TGFBR3: variants seen among roughly 807,000 people sequenced by gnomAD.
TGFBR3 encodes the protein transforming growth factor beta receptor 3, also known as transforming growth factor beta receptor type 3.
A neutral mutation model predicts 87.9 loss-of-function variants in TGFBR3; 46 were observed. That is an observed-to-expected ratio of 0.52 (90% confidence interval 0.41 to 0.67). The LOEUF (loss-of-function observed/expected upper bound fraction) is 0.67. TGFBR3 is among the 30% of genes least tolerant of loss of function. The pLI is 0.00. For missense variants in TGFBR3, 866 were observed against 1,041.9 expected, an observed-to-expected ratio of 0.83 and a Z score of 2.32; for synonymous variants, 381 against 391.6, an observed-to-expected ratio of 0.97 and a Z score of 0.32.
At chr1:91,744,097 T>G (rs1004760456) in intron 4 of TGFBR3, among the ~76,000 whole-genome samples, 4 of 151,372 alleles carry the variant, frequency 2.6e-5, no homozygotes, top group Non-Finnish European at 5.9e-5. Flanking sequence ...TTTTTTTTTT[T>G]TTTTTTGAGA....
At chr1:91,757,737 ACT>A (rs1309058755) in intron 4 of TGFBR3, among the ~76,000 whole-genome samples, 1 of 152,190 alleles carries the variant, frequency 6.6e-6, no homozygotes, top group African/African-American at 2.4e-5. Flanking sequence ...TTTTAGAAGT[ACT>A]CTTCAAACAC....
intron 4 of TGFBR3, among the ~76,000 whole-genome samples, chr1:91,749,004 TCACATTGGGC>T (rs1673441983): frequency 6.6e-6 from 1 of 152,114 alleles, no homozygotes; most frequent in Non-Finnish European, 1.5e-5. Context: ...GTATGTATCC[TCACATTGGGC>T]CATGAGATTT....
rs56335404 is a variant in TGFBR3 at position 91,767,887 on chromosome 1, G to GA, written c.247-9138dup. ...TTTTGTATTTTCACATTGGATCACA[G>GA]AAAAAAAAAAAAAAAGCCATGCTCT... is the stretch of plus-strand genomic sequence containing the variant. On this transcript the variant is annotated intron_variant, in intron 3 of 16. Transcript: ENST00000212355. Among the ~76,000 whole-genome samples, 1,169 of 140,578 alleles carry GA rather than the reference G, an allele frequency of 8.3e-3. 10 individuals carry two copies. Among genetic ancestry groups the GA allele is most frequent in the African/African-American group, 0.016 (592 of 38,128 alleles). The allele number at this position is 140,578 out of a possible 152,430, so 92.2% of individuals were successfully genotyped here. A position where few individuals can be genotyped will look rare whatever the true frequency, so the allele number is the denominator to read the frequency against.
rs1478847248 is a variant in TGFBR3 at position 91,720,243 on chromosome 1, G to A, written c.1076-13C>T. 1.3e-6 allele frequency: 2 copies of A among 1,569,448 alleles called. No individual in the cohort carries two copies. The highest frequency in any genetic ancestry group is 1.7e-6 in the Non-Finnish European group (2 of 1,156,846). On this transcript the variant is annotated splice_polypyrimidine_tract_variant and intron_variant, in intron 8 of 16. Transcript: ENST00000212355. ...CCCATCTCCTCTGCTGGTGAAAGAA[G>A]AAGGCAAAACATCAGCAGTGTTTGA...
At chr1:91,898,557 C>T (rs963254542) in intron 2 of TGFBR3, among the ~76,000 whole-genome samples, 1 of 152,136 alleles carries the variant, frequency 6.6e-6, no homozygotes, top group African/African-American at 2.4e-5. Context: ...CTGCCTCAGC[C>T]TCCTGAGTAG....
At chr1:91,708,917 G>A in intron 13 of TGFBR3, 134 bp from the exon 14 acceptor site, 1 of 1,312,388 alleles carries the variant, frequency 7.6e-7, no homozygotes, top group Non-Finnish European at 1.1e-6. Flanking sequence ...CAAGAAGGTG[G>A]GTGTTTTTCA....
chr1:91,871,520 T>C (rs1174554881), intron 1 of TGFBR3, among the ~76,000 whole-genome samples: 4 of 152,010 alleles, frequency 2.6e-5, no homozygotes, highest in African/African-American at 4.8e-5. Context: ...TGTCAAGGCA[T>C]GAGAAGACCT....
Position 91,851,713 on chromosome 1 carries a change from T to C in TGFBR3, c.61+9758A>G, listed in dbSNP as rs146856064. Among the ~76,000 whole-genome samples, 3 of 152,326 alleles carry C rather than the reference T, an allele frequency of 2.0e-5. No homozygotes were observed. The South Asian group carries it at 6.2e-4, about 32-fold the overall frequency. Reference sequence around the variant, plus strand: ...ATAAAGCTGTGTCTTGATGGAAGTGTTGATCACTGTAAAACACACCATCAC... The same window carrying C: ...ATAAAGCTGTGTCTTGATGGAAGTGCTGATCACTGTAAAACACACCATCAC... On this transcript the variant is annotated intron_variant, in intron 2 of 16. Transcript: ENST00000212355.
At chr1:91,751,921 G>A (rs1425285626) in intron 4 of TGFBR3, among the ~76,000 whole-genome samples, 1 of 152,156 alleles carries the variant, frequency 6.6e-6, no homozygotes, top group African/African-American at 2.4e-5. Flanking sequence ...ATAACATCTA[G>A]CAGTCGTACT....
intron 2 of TGFBR3, among the ~76,000 whole-genome samples, chr1:91,823,362 A>G (rs1571546176): frequency 6.6e-6 from 1 of 152,242 alleles, no homozygotes; most frequent in East Asian, 1.9e-4. Context: ...CAGCAATTAC[A>G]GTCCTAGGTA....
At chr1:91,730,833 C>G (rs1378663795) in intron 5 of TGFBR3, among the ~76,000 whole-genome samples, 1 of 152,238 alleles carries the variant, frequency 6.6e-6, no homozygotes, top group African/African-American at 2.4e-5. Flanking sequence ...ACAGACAACT[C>G]AAGTTTATAT....
chr1:91,743,034 T>G (rs1189029070), intron 4 of TGFBR3, among the ~76,000 whole-genome samples: 1 of 152,172 alleles, frequency 6.6e-6, no homozygotes, highest in Non-Finnish European at 1.5e-5. Flanking sequence ...ACACCTGTCT[T>G]TAAGCTTTAA....
At chr1:91,826,077 A>G (rs1262834661) in intron 2 of TGFBR3, among the ~76,000 whole-genome samples, 1 of 152,154 alleles carries the variant, frequency 6.6e-6, no homozygotes, top group East Asian at 1.9e-4. Context: ...TGAAACCCAT[A>G]TTAAGTCCCT....
chr1:91,756,448 A>G (rs1459011842), intron 4 of TGFBR3, among the ~76,000 whole-genome samples: 2 of 152,278 alleles, frequency 1.3e-5, no homozygotes, highest in East Asian at 1.9e-4. Context: ...GTAACTAGCC[A>G]TGTGATTTGG....
intron 4 of TGFBR3, among the ~76,000 whole-genome samples, chr1:91,744,665 A>G: frequency 6.6e-6 from 1 of 152,220 alleles, no homozygotes; most frequent in East Asian, 1.9e-4. Flanking sequence ...GGTGGGAGGT[A>G]GAAATGTAGG....
At chr1:91,799,700 G>A (rs906143493) in intron 2 of TGFBR3, among the ~76,000 whole-genome samples, 2 of 152,114 alleles carry the variant, frequency 1.3e-5, no homozygotes, top group African/African-American at 2.4e-5. Context: ...CTCTGAACAG[G>A]CTGAAAACAC....
At chr1:91,725,488 C>T (rs762592078) in intron 7 of TGFBR3, among the ~76,000 whole-genome samples, 5 of 152,196 alleles carry the variant, frequency 3.3e-5, no homozygotes, top group Non-Finnish European at 7.3e-5. Context: ...ATAGGCATTA[C>T]CATTCCTGTT....
chr1:91,845,249 T>C (rs192089904), intron 2 of TGFBR3, among the ~76,000 whole-genome samples: 1 of 152,200 alleles, frequency 6.6e-6, no homozygotes, highest in Non-Finnish European at 1.5e-5. Flanking sequence ...AAAGTAAGAT[T>C]TGGTCTGGGA....
At chr1:91,719,613 C>T in intron 9 of TGFBR3, 149 bp from the exon 10 acceptor site, 1 of 1,054,216 alleles carries the variant, frequency 9.5e-7, no homozygotes, top group Non-Finnish European at 1.5e-6. Context: ...TCCCAGCTGC[C>T]CACCTCTCAA....
Sources: gnomAD v4.1 joint callset for allele counts (sites outside exome capture counted in the v4.1 genomes callset) on GRCh38, gnomAD v4.1.1 for gene constraint, MANE v1.5 for transcripts, NCBI Gene and HGNC (gene_info 2026-07-23, HGNC 2026-07-21) for gene names.